The following LIMCH1 variants were observed in gnomAD, a reference collection of about 807,000 sequenced individuals.
LIMCH1 encodes the protein LIM and calponin homology domains 1.
A neutral mutation model predicts 176.5 loss-of-function variants in LIMCH1; 113 were observed. The observed-to-expected ratio is 0.64, with a 90% confidence interval of 0.55 to 0.75. The LOEUF (loss-of-function observed/expected upper bound fraction) is 0.75, where lower values mean the gene tolerates loss of function less well. LIMCH1 is among the 30% of genes least tolerant of loss of function. The pLI, the probability that LIMCH1 is intolerant of heterozygous loss-of-function variation, is 0.00. For synonymous variants in LIMCH1, 619 were observed against 645.9 expected (o/e 0.96, Z 0.63); for missense variants, 1,674 against 1,814.9 (o/e 0.92, Z 1.41).
chr4:41,502,906 A>ACC (rs2073553678), intron 2 of LIMCH1, among the ~76,000 whole-genome samples: 1 of 125,680 alleles, frequency 8.0e-6, no homozygotes, highest in Non-Finnish European at 1.6e-5. Flanking sequence ...ACGGAGGTAA[A>ACC]TCACACACAC....
At position 41,613,514 on chromosome 4, in the gene LIMCH1, T is replaced by C; in HGVS notation, c.58T>C (p.Tyr20His). ...SPKRSIRDSG[Y>H]IDCWDSERSD... Reference sequence around the variant, plus strand: ...TAAACGCAGTATCCGAGACAGTGGCTACATCGACTGCTGGGATTCCGAGCG... The same window carrying C: ...TAAACGCAGTATCCGAGACAGTGGCCACATCGACTGCTGGGATTCCGAGCG... Residue 20 changes from tyrosine (Y) to histidine (H), a missense_variant, in exon 5 of 32, where the codon TAC becomes CAC. Transcript: ENST00000503057. The C allele has an allele frequency of 1.9e-6, 3 of 1,614,132 alleles. No homozygotes were observed. The highest frequency in any genetic ancestry group is 2.5e-6 in the Non-Finnish European group (3 of 1,180,012).
chr4:41,624,944 C>T (rs2092842042), intron 7 of LIMCH1, among the ~76,000 whole-genome samples: 1 of 152,174 alleles, frequency 6.6e-6, no homozygotes, highest in African/African-American at 2.4e-5. Flanking sequence ...GGAGGCAGGG[C>T]TTGGCATTTC....
At chr4:41,381,388 G>A (rs1454706536) in intron 1 of LIMCH1, among the ~76,000 whole-genome samples, 1 of 152,152 alleles carries the variant, frequency 6.6e-6, no homozygotes, top group Non-Finnish European at 1.5e-5. Flanking sequence ...CACCCAAAGA[G>A]GAATGTAAAC....
In LIMCH1 at chr4:41,699,302, A is replaced by G. The variant is rs1308625146; in HGVS notation, c.*2117A>G. The G allele has an allele frequency of 2.0e-5, 3 of 152,192 alleles. No individual in the cohort carries two copies. Among genetic ancestry groups the G allele is most frequent in the African/African-American group, 7.2e-5 (3 of 41,450 alleles). 9.4% of individuals were successfully genotyped at this position (152,192 alleles called of 1,614,324 possible). Reference sequence around the variant, plus strand: ...TATTTCTTAGTGAGGCTCATTGTACATGTATTGAAGCTAGAATCGAGTCAA... The same window carrying G: ...TATTTCTTAGTGAGGCTCATTGTACGTGTATTGAAGCTAGAATCGAGTCAA... On this transcript the variant is annotated 3_prime_UTR_variant, in exon 32 of 32. Coordinates refer to ENST00000503057, the MANE Select transcript of LIMCH1 (RefSeq NM_001330672.2).
At chr4:41,666,470 A>G (rs531590811) in intron 20 of LIMCH1, 91 bp from the exon 21 acceptor site, 15 of 772,648 alleles carry the variant, frequency 1.9e-5, no homozygotes, top group African/African-American at 7.1e-5. Context: ...AATGACTTCT[A>G]TAACAGCCAT....
intron 18 of LIMCH1, among the ~76,000 whole-genome samples, chr4:41,651,592 T>TC (rs1216887378): frequency 6.6e-6 from 1 of 152,006 alleles, no homozygotes; most frequent in Non-Finnish European, 1.5e-5. Flanking sequence ...AAATACCTTT[T>TC]CCCCCCCTGT....
chr4:41,454,040 G>A (rs988519348), intron 1 of LIMCH1, among the ~76,000 whole-genome samples: 2 of 152,074 alleles, frequency 1.3e-5, no homozygotes, highest in African/African-American at 2.4e-5. Flanking sequence ...CTTTGGAGAA[G>A]CCTATCTGGT....
chr4:41,533,186 G>A (rs2077509850), upstream of LIMCH1, among the ~76,000 whole-genome samples: 1 of 152,216 alleles, frequency 6.6e-6, no homozygotes, highest in African/African-American at 2.4e-5. Context: ...AAAGAGAAAG[G>A]GAGGGAGACA....
intron 1 of LIMCH1, among the ~76,000 whole-genome samples, chr4:41,394,952 T>G (rs907413054): frequency 3.3e-5 from 5 of 152,186 alleles, no homozygotes; most frequent in African/African-American, 1.2e-4. Flanking sequence ...GGCTTCACTT[T>G]TTTCTTTGGC....
chr4:41,577,903 G>A (rs1427250953), intron 1 of LIMCH1, among the ~76,000 whole-genome samples: 1 of 152,098 alleles, frequency 6.6e-6, no homozygotes, highest in African/African-American at 2.4e-5. Flanking sequence ...ATCTCTTGTT[G>A]TTGAACATTC....
chr4:41,405,938 G>A (rs937646102), intron 1 of LIMCH1, among the ~76,000 whole-genome samples: 9 of 152,134 alleles, frequency 5.9e-5, no homozygotes, highest in African/African-American at 1.9e-4. Flanking sequence ...TGGCCTGCAC[G>A]AAGGAAGATT....
At chr4:41,524,975 G>A (rs2076477875) in intron 3 of LIMCH1, among the ~76,000 whole-genome samples, 1 of 152,194 alleles carries the variant, frequency 6.6e-6, no homozygotes, top group Admixed American at 6.5e-5. Flanking sequence ...CACTAAGGTG[G>A]TCTAACGTCA....
chr4:41,494,870 T>C (rs866193412), intron 2 of LIMCH1, among the ~76,000 whole-genome samples: 6 of 152,346 alleles, frequency 3.9e-5, no homozygotes, highest in African/African-American at 4.8e-5. Context: ...AATCTTTCAC[T>C]GTGCATCAAT....
intron 1 of LIMCH1, among the ~76,000 whole-genome samples, chr4:41,461,496 G>A (rs1273022268): frequency 6.6e-6 from 1 of 152,168 alleles, no homozygotes; most frequent in Non-Finnish European, 1.5e-5. Context: ...GAGAAGCTGA[G>A]GGTCCGTGGT....
At chr4:41,616,728 C>T (rs1026894568) in intron 5 of LIMCH1, among the ~76,000 whole-genome samples, 4 of 152,018 alleles carry the variant, frequency 2.6e-5, no homozygotes, top group African/African-American at 9.7e-5. Flanking sequence ...GGCCGGCCAC[C>T]TCCTAGGTGC....
chr4:41,483,527 C>T (rs1432041018), intron 1 of LIMCH1, among the ~76,000 whole-genome samples: 5 of 152,176 alleles, frequency 3.3e-5, no homozygotes, highest in East Asian at 1.9e-4. Context: ...CTCCCATCTT[C>T]TGGGTTGTCT....
chr4:41,406,920 T>C (rs576846933), intron 1 of LIMCH1, among the ~76,000 whole-genome samples: 1 of 152,274 alleles, frequency 6.6e-6, no homozygotes, highest in South Asian at 2.1e-4. Context: ...TAAGAGTTGA[T>C]CACATTTGTT....
chr4:41,467,149 A>ATG (rs1381730631), intron 1 of LIMCH1, among the ~76,000 whole-genome samples: 7 of 87,084 alleles, frequency 8.0e-5, no homozygotes, highest in African/African-American at 4.5e-4. Context: ...ATATATGTGT[A>ATG]TGTATATATA....
chr4:41,372,418 T>C (rs2054114473), intron 1 of LIMCH1, among the ~76,000 whole-genome samples: 1 of 152,172 alleles, frequency 6.6e-6, no homozygotes, highest in African/African-American at 2.4e-5. Context: ...GCTGGCTGTC[T>C]TAGTTTGGGA....
Sources: gnomAD v4.1 joint callset for allele counts (sites outside exome capture counted in the v4.1 genomes callset) on GRCh38, gnomAD v4.1.1 for gene constraint, MANE v1.5 for transcripts, NCBI Gene and HGNC (gene_info 2026-07-23, HGNC 2026-07-21) for gene names.